ARAP2: variants seen among roughly 807,000 people sequenced by gnomAD.
ARAP2 encodes arf-GAP with Rho-GAP domain, ANK repeat and PH domain-containing protein 2.
Under a neutral mutation model 194.5 loss-of-function variants are expected in ARAP2, and 148 were observed. The ratio of observed to expected loss-of-function variants is 0.76; its 90% CI spans 0.67 to 0.87. ARAP2 has a LOEUF of 0.87. ARAP2 is among the 40% of genes least tolerant of loss of function. The pLI is 0.00. For synonymous variants in ARAP2, 695 were observed against 683.5 expected, an observed-to-expected ratio of 1.02 and a Z score of -0.26; for missense variants, 2,128 against 1,989.7, an observed-to-expected ratio of 1.07 and a Z score of -1.32.
At chr4:36,158,939 T>C (rs1041376947) in intron 14 of ARAP2, 75 bp from the exon 15 acceptor site, 3 of 1,332,206 alleles carry the variant, frequency 2.3e-6, no homozygotes, top group Non-Finnish European at 1.0e-6. Flanking sequence ...AATATGTACA[T>C]GAGTTTTGAG....
intron 27 of ARAP2, among the ~76,000 whole-genome samples, chr4:36,096,248 C>T (rs1027377470): frequency 2.0e-5 from 3 of 151,122 alleles, no homozygotes; most frequent in Non-Finnish European, 4.4e-5. Flanking sequence ...CACTGTAGTA[C>T]CAGCTACTCA....
chr4:36,072,578 C>T (rs888420984), intron 32 of ARAP2, among the ~76,000 whole-genome samples: 5 of 150,938 alleles, frequency 3.3e-5, no homozygotes, highest in Admixed American at 1.3e-4. Context: ...GTTCCCTGTC[C>T]TGGGTTCCTG....
At chr4:36,016,814 C>G (rs1577543403) in intron 6 of ARAP2, among the ~76,000 whole-genome samples, 1 of 152,230 alleles carries the variant, frequency 6.6e-6, no homozygotes, top group Non-Finnish European at 1.5e-5. Flanking sequence ...GACTTGGATG[C>G]TCCTCATTGT....
At chr4:36,053,089 C>T (rs989076262) in intron 2 of ARAP2, among the ~76,000 whole-genome samples, 1 of 151,896 alleles carries the variant, frequency 6.6e-6, no homozygotes, top group Non-Finnish European at 1.5e-5. Flanking sequence ...CTCACTGCAA[C>T]CTCCGCCTCC....
chr4:36,225,401 C>T (rs1424741156), intron 2 of ARAP2, among the ~76,000 whole-genome samples: 1 of 136,976 alleles, frequency 7.3e-6, no homozygotes, highest in Non-Finnish European at 1.6e-5. Flanking sequence ...GATCACATGG[C>T]ACACCTACAA....
intron 30 of ARAP2, among the ~76,000 whole-genome samples, chr4:36,080,670 T>C (rs1320270893): frequency 6.6e-6 from 1 of 152,188 alleles, no homozygotes; most frequent in Non-Finnish European, 1.5e-5. Context: ...AGCAGATCTT[T>C]CTTTTTAAAA....
chr4:36,205,711 T>G (rs532426556), intron 6 of ARAP2, among the ~76,000 whole-genome samples: 1 of 152,280 alleles, frequency 6.6e-6, no homozygotes, highest in East Asian at 1.9e-4. Flanking sequence ...CCTCACACAT[T>G]TATGTGAAAA....
At chr4:36,105,625 C>T (rs959495681) in intron 27 of ARAP2, among the ~76,000 whole-genome samples, 3 of 151,934 alleles carry the variant, frequency 2.0e-5, no homozygotes, top group African/African-American at 7.2e-5. Context: ...TTTCTTCTTG[C>T]CCTTACACAA....
intron 5 of ARAP2, among the ~76,000 whole-genome samples, chr4:36,045,352 T>C (rs1721622037): frequency 6.6e-6 from 1 of 152,176 alleles, no homozygotes; most frequent in Non-Finnish European, 1.5e-5. Context: ...TGGAATACCA[T>C]TCAGCCTTTA....
chr4:36,057,963 G>T (rs1304591801), intron 2 of ARAP2: 1 of 151,792 alleles, frequency 6.6e-6, no homozygotes. Flanking sequence ...TTCCATAGAG[G>T]ATTTACCTTT....
chr4:36,043,562 G>A (rs941407430), intron 5 of ARAP2, among the ~76,000 whole-genome samples: 3 of 151,882 alleles, frequency 2.0e-5, no homozygotes, highest in South Asian at 2.1e-4. Flanking sequence ...GAAGCTAAAG[G>A]CATACAGTTT....
intron 28 of ARAP2, among the ~76,000 whole-genome samples, chr4:36,084,782 G>C (rs190479691): frequency 1.6e-4 from 25 of 151,978 alleles, no homozygotes; most frequent in African/African-American, 5.8e-4. Flanking sequence ...GGTGACCAAA[G>C]GCCTGGAATT....
Position 36,228,752 on chromosome 4 carries a change from G to A in ARAP2, c.735C>T (p.Phe245=). The change falls in exon 2 of 33, where the codon TTC becomes TTT. Residue 245 remains phenylalanine (F), a synonymous_variant. Transcript: ENST00000303965. Reference sequence around the variant, plus strand: ...CAATCATTTCTCCTTGAAACTTAAAGAATGGGGATGGTGGTGATCCTTCTA... The same window carrying A: ...CAATCATTTCTCCTTGAAACTTAAAAAATGGGGATGGTGGTGATCCTTCTA... The part of the protein sequence containing the change: ...GLLEGSPPSP[F]FKFQGEMIVN... 6.2e-7 allele frequency: 1 copy of A among 1,614,116 alleles called. No individual in the cohort carries two copies. The highest frequency in any genetic ancestry group is 8.5e-7 in the Non-Finnish European group (1 of 1,180,014).
chr4:36,025,250 A>G (rs1434119982), intron 5 of ARAP2, among the ~76,000 whole-genome samples: 1 of 152,188 alleles, frequency 6.6e-6, no homozygotes, highest in African/African-American at 2.4e-5. Context: ...AAGAAGGAAA[A>G]CAGCTATTGA....
rs923175802 is a variant in ARAP2 at position 36,066,251 on chromosome 4, T to G, written c.*1656A>C. On this transcript the variant is annotated 3_prime_UTR_variant, in exon 33 of 33. Coordinates refer to ENST00000303965, the MANE Select transcript of ARAP2 (RefSeq NM_015230.4). ...CTTTATTTCATAAAAATATAAATATTTATTAGAAATAGTATGTTTAAGATT... is the reference window on the plus strand; with the variant it reads ...CTTTATTTCATAAAAATATAAATATGTATTAGAAATAGTATGTTTAAGATT... 1 of 151,134 alleles carries G rather than the reference T, an allele frequency of 6.6e-6. No individual in the cohort carries two copies. The highest frequency in any genetic ancestry group is 2.4e-5 in the African/African-American group (1 of 41,338). 9.4% of individuals were successfully genotyped at this position (151,134 alleles called of 1,614,324 possible).
intron 26 of ARAP2, among the ~76,000 whole-genome samples, chr4:36,110,138 A>G (rs1417962213): frequency 6.6e-6 from 1 of 151,860 alleles, no homozygotes. Flanking sequence ...AAACCTATCT[A>G]ACTTTAAAGC....
chr4:36,010,547 C>T (rs1030735661), intron 9 of ARAP2, among the ~76,000 whole-genome samples: 14 of 152,106 alleles, frequency 9.2e-5, no homozygotes, highest in African/African-American at 2.4e-4. Flanking sequence ...AAGCACCAGC[C>T]TCTTAGGCAC....
chr4:36,154,621 A>C (rs187096389), intron 15 of ARAP2, among the ~76,000 whole-genome samples: 2 of 151,424 alleles, frequency 1.3e-5, no homozygotes, highest in Admixed American at 1.3e-4. Context: ...TTGAAAAGGA[A>C]AAAAAAAAGA....
chr4:36,077,572 T>G (rs773257636), intron 31 of ARAP2, among the ~76,000 whole-genome samples: 1 of 152,080 alleles, frequency 6.6e-6, no homozygotes, highest in Non-Finnish European at 1.5e-5. Flanking sequence ...TGGCTCTACC[T>G]TCAAAATATT....
Sources: allele counts gnomAD v4.1 joint callset (sites outside exome capture counted in the v4.1 genomes callset), GRCh38; gene constraint gnomAD v4.1.1; transcripts MANE v1.5; gene names NCBI Gene and HGNC (gene_info 2026-07-23, HGNC 2026-07-21).